AZIN1: variants seen among roughly 807,000 people sequenced by gnomAD.
The protein encoded by AZIN1 is ornithine decarboxylase antizyme inhibitor.
A neutral mutation model predicts 47.4 loss-of-function variants in AZIN1; 12 were observed. That is an observed-to-expected ratio of 0.25 (90% CI 0.16 to 0.41). AZIN1 has a LOEUF of 0.41. Among genes scored for constraint, AZIN1 ranks in the 10% least tolerant of loss-of-function variants. AZIN1 has a pLI of 1.00. For synonymous variants in AZIN1, 155 were observed against 176.3 expected, an observed-to-expected ratio of 0.88 and a Z score of 0.96; for missense variants, 410 against 532.4, an observed-to-expected ratio of 0.77 and a Z score of 2.26.
intron 2 of AZIN1, among the ~76,000 whole-genome samples, chr8:102,848,704 A>C (rs987036551): frequency 2.0e-5 from 3 of 152,216 alleles, no homozygotes; most frequent in Non-Finnish European, 4.4e-5. Context: ...CTAAAAAAGC[A>C]GCTCAAATCA....
chr8:102,838,696 C>A, intron 5 of AZIN1, 48 bp downstream of exon 5: 3 of 1,492,976 alleles, frequency 2.0e-6, no homozygotes, highest in Non-Finnish European at 2.7e-6. Flanking sequence ...ACAAACCCAA[C>A]CCTCTAAGTG....
chr8:102,848,089 T>C (rs1812686811), intron 2 of AZIN1, among the ~76,000 whole-genome samples: 1 of 152,148 alleles, frequency 6.6e-6, no homozygotes, highest in Admixed American at 6.5e-5. Flanking sequence ...CTGTCAACAG[T>C]ATTCAGTACA....
chr8:102,843,859 A>T (rs1812383495), intron 2 of AZIN1, 112 bp from the exon 3 acceptor site: 2 of 734,608 alleles, frequency 2.7e-6, no homozygotes, highest in Non-Finnish European at 4.0e-6. Context: ...GCAATTTTAC[A>T]ATTTCAGAAA....
rs372839404 is a variant in AZIN1 at position 102,829,490 on chromosome 8, T to A, written c.1021-4A>T. 89 of 1,592,716 alleles carry A rather than the reference T, an allele frequency of 5.6e-5. No individual in the cohort carries two copies. Among genetic ancestry groups the A allele is most frequent in the Middle Eastern group, 1.7e-4 (1 of 5,948 alleles). On this transcript the variant is annotated splice_region_variant and splice_polypyrimidine_tract_variant and intron_variant, in intron 10 of 11. Transcript: ENST00000337198. ...GAGGCTCATCTTCCTTGTATTTCTG[T>A]AGGAAAAGTTTTACAATTTAATTTT...
chr8:102,851,649 T>G (rs1812927141), intron 2 of AZIN1, among the ~76,000 whole-genome samples: 1 of 152,000 alleles, frequency 6.6e-6, no homozygotes. Flanking sequence ...GAGGTTGCAG[T>G]GGGCCAAGAT....
At chr8:102,863,110 G>A (rs943031736) in intron 1 of AZIN1, among the ~76,000 whole-genome samples, 2 of 152,222 alleles carry the variant, frequency 1.3e-5, no homozygotes, top group African/African-American at 2.4e-5. Flanking sequence ...CAGCAGCCTC[G>A]AGGCTTCCAG....
intron 7 of AZIN1, 130 bp downstream of exon 7, chr8:102,834,536 A>C: frequency 2.8e-6 from 2 of 705,160 alleles, no homozygotes; most frequent in East Asian, 2.7e-5. Flanking sequence ...GAATGCTTAT[A>C]TAATAAAAAT....
rs574241091 is a variant in AZIN1, at chr8:102,841,407, A to G, written c.103-1584T>C. 3.3e-5 allele frequency among the ~76,000 whole-genome samples: 5 copies of G among 152,326 alleles called. No individual in the cohort carries two copies. The East Asian group carries it at 9.6e-4, about 29-fold the overall frequency. Reference sequence around the variant, plus strand: ...TTAATTTAGATGTGGGATGGAAGGAATATTTCAAAGATTATATCTGACCCC... The same window carrying G: ...TTAATTTAGATGTGGGATGGAAGGAGTATTTCAAAGATTATATCTGACCCC... On this transcript the variant is annotated intron_variant, in intron 3 of 11. Transcript: ENST00000337198.
chr8:102,857,551 T>C (rs1465185903), intron 2 of AZIN1, among the ~76,000 whole-genome samples: 5 of 152,134 alleles, frequency 3.3e-5, no homozygotes, highest in Non-Finnish European at 7.4e-5. Flanking sequence ...TATATTTTAA[T>C]ACCATACATA....
At chr8:102,836,003 C>G (rs1017340222) in intron 6 of AZIN1, among the ~76,000 whole-genome samples, 2 of 152,164 alleles carry the variant, frequency 1.3e-5, no homozygotes, top group Admixed American at 6.6e-5. Context: ...TCTGCACTAA[C>G]TGAATCAAAA....
chr8:102,856,238 T>A (rs1813287002), intron 2 of AZIN1, among the ~76,000 whole-genome samples: 1 of 152,046 alleles, frequency 6.6e-6, no homozygotes, highest in Non-Finnish European at 1.5e-5. Flanking sequence ...ATACTAGACA[T>A]GCAAAATGAG....
At position 102,843,553 on chromosome 8, in the gene AZIN1, G is replaced by A; in HGVS notation, c.100C>T (p.Leu34=). 3 of 1,609,580 alleles carry A rather than the reference G, an allele frequency of 1.9e-6. No individual in the cohort carries two copies. Among genetic ancestry groups the A allele is most frequent in the South Asian group, 1.1e-5 (1 of 90,930 alleles). ...TGTATTTGAGAAATGGCACTTACCAGGGTATGTTCATAAACATAGTTATCA... is the reference window on the plus strand; with the variant it reads ...TGTATTTGAGAAATGGCACTTACCAAGGTATGTTCATAAACATAGTTATCA... ...VIDNYVYEHT[L]TGKNAFFVGD... The change falls in exon 3 of 12, where the codon CTG becomes TTG. Residue 34 remains leucine (L), a splice_region_variant and synonymous_variant. Transcript: ENST00000337198.
chr8:102,827,298 T>A lies in AZIN1; in HGVS notation c.*1269A>T, dbSNP rs1811167788. On this transcript the variant is annotated 3_prime_UTR_variant, in exon 12 of 12. Transcript: ENST00000337198. ...AACAAAGCAAATTCCTGGCAACAAC[T>A]GTCAGGTTAGTGATGCTAACTCCCT... The A allele has an allele frequency of 6.6e-6, 1 of 152,268 alleles. No homozygotes were observed. The highest frequency in any genetic ancestry group is 1.5e-5 in the Non-Finnish European group (1 of 68,028). 9.4% of individuals were successfully genotyped at this position (152,268 alleles called of 1,614,324 possible).
chr8:102,835,780 C>CTGTAATTAGTTCTGAGGCTATTATCAAG (rs1811784616), intron 6 of AZIN1, among the ~76,000 whole-genome samples: 1 of 152,100 alleles, frequency 6.6e-6, no homozygotes, highest in African/African-American at 2.4e-5. Flanking sequence ...GTTACTATGC[C>CTGTAATTAGTTCTGAGGCTATTATCAAG]TGTAATTAGT....
In AZIN1 at chr8:102,826,852, G is replaced by A. The variant is rs1317624852; in HGVS notation, c.*1715C>T. On this transcript the variant is annotated 3_prime_UTR_variant, in exon 12 of 12. Coordinates refer to ENST00000337198, the MANE Select transcript of AZIN1 (RefSeq NM_148174.4). ...TTAAAAAAAGTTACATGGTAGCTTG[G>A]AATTTTGCATAAAACCCCATAATAT... 6.6e-6 allele frequency: 1 copy of A among 152,524 alleles called. No individual in the cohort carries two copies. The highest frequency in any genetic ancestry group is 1.5e-5 in the Non-Finnish European group (1 of 68,016). The allele number at this position is 152,524 out of a possible 1,614,324, so 9.4% of individuals were successfully genotyped here.
In AZIN1 at chr8:102,838,627, T is replaced by G. The variant is rs1221915050; in HGVS notation, c.449+117A>C. 5.2e-6 allele frequency: 4 copies of G among 769,854 alleles called. No individual in the cohort carries two copies. In the African/African-American group the frequency reaches 7.2e-5, roughly 14 times the overall value. 47.7% of individuals were successfully genotyped at this position (769,854 alleles called of 1,614,324 possible). ...TCCCACAGAGGCCCTTTAAATAAGT[T>G]ATAATTATGATACACATCATTGCCC... On this transcript the variant is annotated intron_variant, in intron 5 of 11. Coordinates refer to ENST00000337198, the MANE Select transcript of AZIN1 (RefSeq NM_148174.4).
At position 102,827,942 on chromosome 8, in the gene AZIN1, C is replaced by A. The variant is rs1373119485; in HGVS notation, c.*625G>T. 2 of 152,568 alleles carry A rather than the reference C, an allele frequency of 1.3e-5. No homozygotes were observed. The highest frequency in any genetic ancestry group is 4.8e-5 in the African/African-American group (2 of 41,436). 9.5% of individuals were successfully genotyped at this position (152,568 alleles called of 1,614,324 possible). On this transcript the variant is annotated 3_prime_UTR_variant, in exon 12 of 12. Transcript: ENST00000337198. ...CCTTCAAAACAGTCCATATACACATCTATTTCAAAACTACCTTTGCTAGCT... is the reference window on the plus strand; with the variant it reads ...CCTTCAAAACAGTCCATATACACATATATTTCAAAACTACCTTTGCTAGCT...
At chr8:102,830,733 A>G (rs1012375665) in intron 9 of AZIN1, among the ~76,000 whole-genome samples, 3 of 152,182 alleles carry the variant, frequency 2.0e-5, no homozygotes, top group African/African-American at 7.2e-5. Context: ...TAAAACCACA[A>G]TGGACTACCA....
intron 2 of AZIN1, among the ~76,000 whole-genome samples, chr8:102,853,529 G>A (rs1260459073): frequency 1.3e-5 from 2 of 152,122 alleles, no homozygotes; most frequent in Admixed American, 6.5e-5. Flanking sequence ...ACTGGTCTAC[G>A]TTGCTTTCCA....
Sources: gnomAD v4.1 joint callset for allele counts (sites outside exome capture counted in the v4.1 genomes callset) on GRCh38, gnomAD v4.1.1 for gene constraint, MANE v1.5 for transcripts, NCBI Gene and HGNC (gene_info 2026-07-23, HGNC 2026-07-21) for gene names.